Variants in PDSS2 observed in about 807,000 individuals in gnomAD.
PDSS2 encodes the protein all trans-polyprenyl-diphosphate synthase PDSS2.
A neutral mutation model predicts 44.5 loss-of-function variants in PDSS2; 31 were observed. The ratio of observed to expected loss-of-function variants is 0.70; its 90% CI spans 0.52 to 0.94. The LOEUF is 0.94. PDSS2 is among the 40% of genes least tolerant of loss of function. The pLI is 0.00. For synonymous variants in PDSS2, 157 were observed against 180.3 expected (o/e 0.87, Z 1.03); for missense variants, 452 against 482.2 (o/e 0.94, Z 0.59).
At chr6:107,159,419 CTT>C (rs143684110) in intron 7 of PDSS2, among the ~76,000 whole-genome samples, 7 of 124,148 alleles carry the variant, frequency 5.6e-5, no homozygotes, top group Admixed American at 9.1e-5. Flanking sequence ...TCTTTCTTTT[CTT>C]TTTTTTTTTT....
chr6:107,422,086 TAA>T (rs76344239), intron 1 of PDSS2, among the ~76,000 whole-genome samples: 5 of 109,156 alleles, frequency 4.6e-5, no homozygotes, highest in Non-Finnish European at 4.0e-5. Context: ...ATTTTAAAAG[TAA>T]AAAAAAAAAA....
In PDSS2 at chr6:107,459,316, G is replaced by T; in HGVS notation, c.-31C>A. ...GAGTCTGGAAGGGTCTGGGACCTGG[G>T]GGTATCCAGAAGTGCCGCGGGAAAC... On this transcript the variant is annotated 5_prime_UTR_variant, in exon 1 of 8. Coordinates refer to ENST00000369037, the MANE Select transcript of PDSS2 (RefSeq NM_020381.4). The surrounding 1 kb of genome is among the most constrained non-coding windows in gnomAD (Gnocchi z 4.3). The T allele has an allele frequency of 6.2e-7, 1 of 1,604,170 alleles. No homozygotes were observed. Among genetic ancestry groups the T allele is most frequent in the Non-Finnish European group, 8.5e-7 (1 of 1,172,498 alleles).
At chr6:107,237,648 C>A (rs1213066032) in intron 4 of PDSS2, among the ~76,000 whole-genome samples, 1 of 150,220 alleles carries the variant, frequency 6.7e-6, no homozygotes. Context: ...CACTTGTAAT[C>A]CCAGCACTTT....
chr6:107,419,865 A>T (rs1209123892), intron 1 of PDSS2, among the ~76,000 whole-genome samples: 1 of 152,210 alleles, frequency 6.6e-6, no homozygotes, highest in Non-Finnish European at 1.5e-5. Context: ...CATCGTTATC[A>T]ACCAAGTGTG....
At chr6:107,347,586 A>G (rs553783260) in intron 1 of PDSS2, among the ~76,000 whole-genome samples, 1 of 152,240 alleles carries the variant, frequency 6.6e-6, no homozygotes, top group Non-Finnish European at 1.5e-5. Flanking sequence ...TCTTTTAGGG[A>G]AGGAGGAGCT....
chr6:107,238,821 T>A (rs1774318882), intron 4 of PDSS2, among the ~76,000 whole-genome samples: 1 of 152,218 alleles, frequency 6.6e-6, no homozygotes, highest in South Asian at 2.1e-4. Context: ...AAGCAGGTTT[T>A]TCTCAGGACA....
intron 6 of PDSS2, among the ~76,000 whole-genome samples, chr6:107,194,204 T>C (rs559082970): frequency 1.5e-4 from 23 of 152,360 alleles, no homozygotes; most frequent in Non-Finnish European, 2.5e-4. Flanking sequence ...CCATATCATC[T>C]AACACAAACC....
chr6:107,331,899 T>C (rs934308219), intron 2 of PDSS2, among the ~76,000 whole-genome samples: 3 of 151,928 alleles, frequency 2.0e-5, no homozygotes, highest in Admixed American at 1.3e-4. Flanking sequence ...AGCAGATGAC[T>C]AATAAGAAAG....
At chr6:107,345,405 G>A (rs1778211393) in intron 1 of PDSS2, among the ~76,000 whole-genome samples, 1 of 150,496 alleles carries the variant, frequency 6.6e-6, no homozygotes, top group Non-Finnish European at 1.5e-5. Flanking sequence ...TGGAGTATCA[G>A]TCCTATTAGC....
intron 1 of PDSS2, among the ~76,000 whole-genome samples, chr6:107,383,803 T>G (rs573796534): frequency 2.0e-5 from 3 of 152,302 alleles, no homozygotes; most frequent in Admixed American, 1.3e-4. Context: ...GATGAAGATG[T>G]GGAGAAATGG....
At chr6:107,411,366 T>C (rs999191162) in intron 1 of PDSS2, among the ~76,000 whole-genome samples, 1 of 152,270 alleles carries the variant, frequency 6.6e-6, no homozygotes, top group African/African-American at 2.4e-5. Flanking sequence ...TGACATCATT[T>C]ATGAAAACTG....
At chr6:107,312,261 C>T (rs527798875) in intron 2 of PDSS2, among the ~76,000 whole-genome samples, 1 of 152,206 alleles carries the variant, frequency 6.6e-6, no homozygotes, top group Admixed American at 6.5e-5. Flanking sequence ...CCCAGAAATA[C>T]CCTTGCTACC....
chr6:107,249,738 C>T (rs1243221019), intron 3 of PDSS2, among the ~76,000 whole-genome samples: 2 of 152,304 alleles, frequency 1.3e-5, no homozygotes, highest in African/African-American at 4.8e-5. Flanking sequence ...CTCCTGCCAC[C>T]TCCCTTGTTT....
At chr6:107,404,889 A>C (rs1780261409) in intron 1 of PDSS2, among the ~76,000 whole-genome samples, 1 of 152,212 alleles carries the variant, frequency 6.6e-6, no homozygotes, top group Non-Finnish European at 1.5e-5. Context: ...AAACTTCCCT[A>C]TTCTAACAAG....
intron 3 of PDSS2, among the ~76,000 whole-genome samples, chr6:107,249,679 T>C (rs1462993842): frequency 6.6e-6 from 1 of 152,144 alleles, no homozygotes; most frequent in African/African-American, 2.4e-5. Context: ...CAATTTCCAG[T>C]GAACCTGAAG....
At chr6:107,302,581 TATTTAAC>T (rs924832080) in intron 2 of PDSS2, among the ~76,000 whole-genome samples, 174 of 152,254 alleles carry the variant, frequency 1.1e-3, no homozygotes, top group African/African-American at 3.9e-3. Context: ...ATCTTTCCTC[TATTTAAC>T]ATTCAGATTG....
intron 7 of PDSS2, among the ~76,000 whole-genome samples, chr6:107,183,526 C>T (rs915813030): frequency 1.3e-5 from 2 of 152,052 alleles, no homozygotes; most frequent in African/African-American, 2.4e-5. Flanking sequence ...GGTGAAACCC[C>T]ATCTCTACTA....
intron 3 of PDSS2, among the ~76,000 whole-genome samples, chr6:107,269,653 T>TTAG (rs565732332): frequency 1.6e-4 from 25 of 152,112 alleles, no homozygotes; most frequent in East Asian, 3.9e-4. Flanking sequence ...CCAATTATTA[T>TTAG]TAGTAGTAGT....
At position 107,459,483 on chromosome 6, in the gene PDSS2, G is replaced by A. The variant is rs749200141; in HGVS notation, c.-198C>T. The A allele has an allele frequency of 1.7e-6, 1 of 601,614 alleles. No individual in the cohort carries two copies. Among genetic ancestry groups the A allele is most frequent in the Non-Finnish European group, 3.0e-6 (1 of 338,786 alleles). The allele number at this position is 601,614 out of a possible 1,614,324, so 37.3% of individuals were successfully genotyped here. ...TGCAGCCCAGGCTGGGCAAACAACA[G>A]TCCCAGCTCAGCACTGCCCCCGGCC... is the stretch of plus-strand genomic sequence containing the variant. On this transcript the variant is annotated 5_prime_UTR_variant, in exon 1 of 8. Transcript: ENST00000369037. The surrounding 1 kb of genome is among the most constrained non-coding windows in gnomAD (Gnocchi z 4.3).
Sources: gnomAD v4.1 joint callset for allele counts (sites outside exome capture counted in the v4.1 genomes callset) on GRCh38, gnomAD v4.1.1 for gene constraint, Gnocchi (gnomAD v3.1) non-coding constraint, MANE v1.5 for transcripts, NCBI Gene and HGNC (gene_info 2026-07-23, HGNC 2026-07-21) for gene names.